The following IRAK1BP1 variants were observed in gnomAD, a reference collection of about 807,000 sequenced individuals.
IRAK1BP1 encodes the protein interleukin-1 receptor-associated kinase 1-binding protein 1.
Under a neutral mutation model 28.0 loss-of-function variants are expected in IRAK1BP1, and 24 were observed. That is an observed-to-expected ratio of 0.86 (90% CI 0.62 to 1.20). IRAK1BP1 has a LOEUF of 1.20. Among genes scored for constraint, IRAK1BP1 ranks in the 50% most tolerant of loss-of-function variants. The probability of loss-of-function intolerance (pLI) is 0.00; values close to 1 mark genes in which losing one functional copy is unlikely to be tolerated. For synonymous variants in IRAK1BP1, 131 were observed against 116.3 expected (o/e 1.13, Z -0.81); for missense variants, 336 against 316.7 (o/e 1.06, Z -0.46).
chr6:78,912,981 GTGTGTA>G (rs1350757455), intron 4 of IRAK1BP1, among the ~76,000 whole-genome samples: 3 of 152,064 alleles, frequency 2.0e-5, no homozygotes, highest in Non-Finnish European at 4.4e-5. Flanking sequence ...ATATATGTGG[GTGTGTA>G]TGTGTGTGTG....
the IRAK1BP1 span, among the ~76,000 whole-genome samples, chr6:78,952,434 A>C: frequency 4.6e-5 from 7 of 150,938 alleles, no homozygotes; most frequent in African/African-American, 1.7e-4. Context: ...AAAAGAAAAA[A>C]AAAAAAGAAA....
chr6:78,878,705 C>T (rs1483676694), intron 1 of IRAK1BP1, among the ~76,000 whole-genome samples: 3 of 152,076 alleles, frequency 2.0e-5, no homozygotes, highest in Non-Finnish European at 2.9e-5. Context: ...ACTTCTCCGA[C>T]CTAAAAGAGG....
chr6:78,920,306 C>G (rs1772688672), intron 4 of IRAK1BP1, among the ~76,000 whole-genome samples: 1 of 151,856 alleles, frequency 6.6e-6, no homozygotes, highest in Non-Finnish European at 1.5e-5. Flanking sequence ...CATATGGAAC[C>G]AAAAAAGAGC....
rs980308843 is a variant in IRAK1BP1 at position 78,880,119 on chromosome 6, A to G, written c.316-5259A>G. Among the ~76,000 whole-genome samples, 8 of 152,202 alleles carry G rather than the reference A, an allele frequency of 5.3e-5. 1 individual carries two copies. The highest frequency in any genetic ancestry group is 2.1e-4 in the South Asian group (1 of 4,830). Reference sequence around the variant, plus strand: ...CCCAACAGTAAAACACAAAACTTCTAGAAAAAAAGAAAAGGAGAAAATCTA... The same window carrying G: ...CCCAACAGTAAAACACAAAACTTCTGGAAAAAAAGAAAAGGAGAAAATCTA... On this transcript the variant is annotated intron_variant, in intron 1 of 3. Transcript: ENST00000369940.
intron 1 of IRAK1BP1, among the ~76,000 whole-genome samples, chr6:78,881,984 T>C (rs1319473900): frequency 6.6e-6 from 1 of 152,100 alleles, no homozygotes; most frequent in East Asian, 1.9e-4. Context: ...CAGAAAATTT[T>C]ACATGTAAGT....
chr6:78,876,131 TG>T (rs1438683939), intron 1 of IRAK1BP1, among the ~76,000 whole-genome samples: 2 of 152,136 alleles, frequency 1.3e-5, no homozygotes, highest in Non-Finnish European at 2.9e-5. Context: ...AATTGAACTA[TG>T]GGGGCAGTTT....
intron 1 of IRAK1BP1, among the ~76,000 whole-genome samples, chr6:78,874,726 A>G (rs1376200881): frequency 6.6e-6 from 1 of 152,220 alleles, no homozygotes; most frequent in Admixed American, 6.5e-5. Context: ...ATTTCAGGAT[A>G]ATGGCTGATT....
At chr6:78,959,412 A>G in the IRAK1BP1 span, among the ~76,000 whole-genome samples, 1 of 152,160 alleles carries the variant, frequency 6.6e-6, no homozygotes, top group Non-Finnish European at 1.5e-5. Flanking sequence ...AGAATCACAG[A>G]TATCTTCAGT....
At chr6:78,913,010 A>G (rs1280698301) in intron 4 of IRAK1BP1, among the ~76,000 whole-genome samples, 3 of 152,184 alleles carry the variant, frequency 2.0e-5, no homozygotes, top group Non-Finnish European at 4.4e-5. Context: ...ATGGTCTAAA[A>G]TGGACTGCAA....
chr6:78,945,974 C>T, exon 5 of IRAK1BP1: 3 of 1,530,426 alleles, frequency 2.0e-6, no homozygotes, highest in Non-Finnish European at 2.7e-6. Flanking sequence ...TCATCATATA[C>T]ATTTCAATTT....
Position 78,898,297 on chromosome 6 carries a change from A to G in IRAK1BP1, c.746A>G (p.Glu249Gly). 1 of 1,599,994 alleles carries G rather than the reference A, an allele frequency of 6.3e-7. No individual in the cohort carries two copies. The highest frequency in any genetic ancestry group is 8.5e-7 in the Non-Finnish European group (1 of 1,173,310). Residue 249 changes from glutamate to glycine, a missense_variant, in exon 4 of 4, where the codon GAG (glutamate) becomes GGG (glycine). Coordinates refer to ENST00000369940, the MANE Select transcript of IRAK1BP1 (RefSeq NM_001010844.4). ...GCTTCAAAAGTATTTATAACTTTTG[A>G]GGTAAAGGGAAAAGAGAAGAGAAAA... ...HAASKVFITF[E>G]VKGKEKRKKH...
Position 78,898,285 on chromosome 6 carries a change from T to C in IRAK1BP1, c.734T>C (p.Phe245Ser). The change falls in exon 4 of 4, where the codon TTT (phenylalanine) becomes TCT (serine). Residue 245 changes from phenylalanine (F) to serine (S), a missense_variant. By Grantham distance (155) the Phe-to-Ser change is radical (BLOSUM62 -2). Transcript: ENST00000369940. ...ACAATACATGCTGCTTCAAAAGTAT[T>C]TATAACTTTTGAGGTAAAGGGAAAA... ...SATIHAASKV[F>S]ITFEVKGKEK... 6.2e-7 allele frequency: 1 copy of C among 1,608,934 alleles called. No homozygotes were observed. The highest frequency in any genetic ancestry group is 8.5e-7 in the Non-Finnish European group (1 of 1,177,684).
intron 4 of IRAK1BP1, among the ~76,000 whole-genome samples, chr6:78,943,182 C>T (rs117830555): frequency 0.037 from 5,589 of 152,118 alleles, 102 homozygotes; most frequent in Middle Eastern, 0.058. Context: ...TTTAAAATTA[C>T]ATATATGGCT....
At chr6:78,976,722 A>AACAG in the IRAK1BP1 span, among the ~76,000 whole-genome samples, 2 of 147,412 alleles carry the variant, frequency 1.4e-5, no homozygotes, top group African/African-American at 5.0e-5. Context: ...GAAGGACATG[A>AACAG]ACAGACACTT....
chr6:78,924,595 C>A (rs1772835877), intron 4 of IRAK1BP1, among the ~76,000 whole-genome samples: 1 of 152,144 alleles, frequency 6.6e-6, no homozygotes, highest in South Asian at 2.1e-4. Flanking sequence ...GATACCAAAG[C>A]CTGGCAGAGA....
At chr6:78,950,136 A>G (rs779503389), downstream of IRAK1BP1, among the ~76,000 whole-genome samples, 1 of 152,256 alleles carries the variant, frequency 6.6e-6, no homozygotes, top group Non-Finnish European at 1.5e-5. Context: ...ATTACTTGAT[A>G]TAATCATGAG....
At chr6:78,903,477 C>T (rs758619379), downstream of IRAK1BP1, among the ~76,000 whole-genome samples, 6 of 151,798 alleles carry the variant, frequency 4.0e-5, no homozygotes, top group Non-Finnish European at 8.8e-5. Context: ...GGCGACAGTG[C>T]GAGACTATTG....
At position 78,867,911 on chromosome 6, in the gene IRAK1BP1, G is replaced by A. The variant is rs368333718; in HGVS notation, c.315+20G>A. The A allele has an allele frequency of 1.6e-5, 25 of 1,542,164 alleles. No individual in the cohort carries two copies. In the African/African-American group the frequency reaches 3.3e-4, roughly 20 times the overall value. On this transcript the variant is annotated intron_variant, in intron 1 of 3. Transcript: ENST00000369940. ...GTGCAGGTGAGATCTCCGCGGGGGA[G>A]GAAATAAGAGCCGGAAGACACAAAA...
At chr6:78,887,962 A>T (rs1273182649) in intron 2 of IRAK1BP1, among the ~76,000 whole-genome samples, 1 of 152,186 alleles carries the variant, frequency 6.6e-6, no homozygotes, top group African/African-American at 2.4e-5. Flanking sequence ...CCAAATGTCC[A>T]TTGACAGATA....
Sources: allele counts gnomAD v4.1 joint callset (sites outside exome capture counted in the v4.1 genomes callset), GRCh38; gene constraint gnomAD v4.1.1; transcripts MANE v1.5; gene names NCBI Gene and HGNC (gene_info 2026-07-23, HGNC 2026-07-21).